The following RBM20 variants were observed in gnomAD, a reference collection of about 807,000 sequenced individuals.
RBM20 encodes RNA-binding protein 20.
A neutral mutation model predicts 110.1 loss-of-function variants in RBM20; 51 were observed. That is an observed-to-expected ratio of 0.46 (90% confidence interval 0.37 to 0.59). RBM20 has a LOEUF of 0.59. RBM20 is among the 20% of genes least tolerant of loss of function. The pLI, the probability that RBM20 is intolerant of heterozygous loss-of-function variation, is 0.00. For missense variants in RBM20, 1,512 were observed against 1,574.9 expected, an observed-to-expected ratio of 0.96 and a Z score of 0.68; for synonymous variants, 589 against 618.2, an observed-to-expected ratio of 0.95 and a Z score of 0.70.
chr10:110,677,287 C>T (rs145504392), intron 1 of RBM20, among the ~76,000 whole-genome samples: 30 of 151,962 alleles, frequency 2.0e-4, no homozygotes, highest in South Asian at 6.3e-4. Flanking sequence ...CCTTATGACC[C>T]AGTCACCTCT....
At chr10:110,750,785 G>A (rs1043351884) in intron 1 of RBM20, among the ~76,000 whole-genome samples, 2 of 152,120 alleles carry the variant, frequency 1.3e-5, no homozygotes, top group Admixed American at 6.5e-5. Context: ...CTTCATTATT[G>A]GTCTGAAATC....
At chr10:110,753,668 T>C (rs756044465) in intron 1 of RBM20, among the ~76,000 whole-genome samples, 1 of 152,204 alleles carries the variant, frequency 6.6e-6, no homozygotes, top group South Asian at 2.1e-4. Flanking sequence ...ACCTGGTGAC[T>C]CAAAACGACA....
intron 1 of RBM20, among the ~76,000 whole-genome samples, chr10:110,748,529 C>T (rs1283029349): frequency 6.6e-6 from 1 of 152,140 alleles, no homozygotes; most frequent in East Asian, 1.9e-4. Context: ...GAGGAGGCAT[C>T]AGGGAGAATG....
chr10:110,679,302 C>T (rs577720717), intron 1 of RBM20, among the ~76,000 whole-genome samples: 5 of 152,204 alleles, frequency 3.3e-5, no homozygotes, highest in South Asian at 2.1e-4. Context: ...TAGCTCACTG[C>T]GGCCTTGAAC....
At chr10:110,764,308 A>C (rs539811366) in intron 1 of RBM20, among the ~76,000 whole-genome samples, 147 of 152,248 alleles carry the variant, frequency 9.7e-4, no homozygotes, top group Non-Finnish European at 1.7e-3. Flanking sequence ...CACCACCACC[A>C]CCCACAGCAG....
At chr10:110,720,153 G>T (rs945837372) in intron 1 of RBM20, among the ~76,000 whole-genome samples, 1 of 152,164 alleles carries the variant, frequency 6.6e-6, no homozygotes. Context: ...TCACAATGCA[G>T]GTGAGATGCC....
At chr10:110,712,219 T>C (rs1445851930) in intron 1 of RBM20, among the ~76,000 whole-genome samples, 3 of 152,236 alleles carry the variant, frequency 2.0e-5, no homozygotes, top group Admixed American at 6.5e-5. Flanking sequence ...TGAGTTCATG[T>C]ATGGTTTTCA....
rs563415716 is a variant in RBM20 at position 110,788,370 on chromosome 10, A to T, written c.1527+3481A>T. Among the ~76,000 whole-genome samples the T allele has an allele frequency of 2.8e-4, 43 of 152,336 alleles. 2 individuals carry two copies. The South Asian group carries it at 8.5e-3, about 30-fold the overall frequency. On this transcript the variant is annotated intron_variant, in intron 5 of 13. Transcript: ENST00000369519. The stretch of plus-strand genomic sequence containing the variant: ...CTGCACCCTGACAGCATCTGCCAAG[A>T]TGAACTCAGATGTTTGGAGGCCTTT...
chr10:110,718,616 T>TC (rs925833313), intron 1 of RBM20, among the ~76,000 whole-genome samples: 3 of 149,664 alleles, frequency 2.0e-5, no homozygotes, highest in Non-Finnish European at 4.5e-5. Flanking sequence ...TTCTTTTTTT[T>TC]TTTTTCTTTT....
intron 5 of RBM20, among the ~76,000 whole-genome samples, chr10:110,788,031 C>A (rs569796565): frequency 1.3e-5 from 2 of 152,258 alleles, no homozygotes; most frequent in African/African-American, 4.8e-5. Flanking sequence ...AAACTGAGGC[C>A]TAGAGAAGCT....
At chr10:110,681,945 A>G (rs985596970) in intron 1 of RBM20, among the ~76,000 whole-genome samples, 1 of 151,832 alleles carries the variant, frequency 6.6e-6, no homozygotes, top group Non-Finnish European at 1.5e-5. Flanking sequence ...GTTGCAGTGC[A>G]ATGGCATGAT....
rs570543780 is a variant in RBM20, at chr10:110,686,897, GGT to G, written c.191+42256_191+42257del. On this transcript the variant is annotated intron_variant, in intron 1 of 13. Transcript: ENST00000369519. The stretch of plus-strand genomic sequence containing the variant: ...CTACTAAAAATATAAAAATTAGCCG[GGT>G]GTGGTGGTGCATGCCTGTAGTCCCA... 4.6e-5 allele frequency among the ~76,000 whole-genome samples: 7 copies of G among 151,940 alleles called. No homozygotes were observed. In the East Asian group the frequency reaches 1.4e-3, roughly 30 times the overall value.
intron 1 of RBM20, chr10:110,761,097 C>CAAAAAAAAAAAAAA (rs201013581): frequency 1.3e-5 from 1 of 76,672 alleles, no homozygotes. Context: ...GACTCCATCT[C>CAAAAAAAAAAAAAA]AAAAAAAAAA....
At chr10:110,695,451 A>G (rs1050019882) in intron 1 of RBM20, among the ~76,000 whole-genome samples, 4 of 152,194 alleles carry the variant, frequency 2.6e-5, no homozygotes, top group South Asian at 2.1e-4. Context: ...TGTCTGCTGG[A>G]AAGCTGCCTC....
chr10:110,817,725 G>C (rs1192168664), intron 9 of RBM20, among the ~76,000 whole-genome samples: 1 of 152,230 alleles, frequency 6.6e-6, no homozygotes, highest in East Asian at 1.9e-4. Flanking sequence ...GGGTTAGGCT[G>C]TGCCTATTGA....
chr10:110,689,181 T>C (rs1862550591), intron 1 of RBM20, among the ~76,000 whole-genome samples: 1 of 152,228 alleles, frequency 6.6e-6, no homozygotes, highest in Non-Finnish European at 1.5e-5. Context: ...GATATTGACA[T>C]TGATAGAATC....
chr10:110,691,711 C>T (rs990992821), intron 1 of RBM20, among the ~76,000 whole-genome samples: 2 of 152,050 alleles, frequency 1.3e-5, no homozygotes, highest in Non-Finnish European at 2.9e-5. Flanking sequence ...TATTTTCTTC[C>T]ACTCTGTGTG....
At chr10:110,713,343 G>C (rs917963289) in intron 1 of RBM20, among the ~76,000 whole-genome samples, 2 of 152,172 alleles carry the variant, frequency 1.3e-5, no homozygotes, top group African/African-American at 4.8e-5. Context: ...CTGGTTATTA[G>C]ATAATCTTTC....
At chr10:110,806,610 A>G (rs1163118101) in intron 7 of RBM20, among the ~76,000 whole-genome samples, 1 of 152,202 alleles carries the variant, frequency 6.6e-6, no homozygotes, top group Non-Finnish European at 1.5e-5. Context: ...ACAATTGAAC[A>G]TGAGATTTGG....
Sources: gnomAD v4.1 joint callset for allele counts (sites outside exome capture counted in the v4.1 genomes callset) on GRCh38, gnomAD v4.1.1 for gene constraint, MANE v1.5 for transcripts, NCBI Gene and HGNC (gene_info 2026-07-23, HGNC 2026-07-21) for gene names.